ANO2: variants seen among roughly 807,000 people sequenced by gnomAD.
The protein encoded by ANO2 is anoctamin 2.
In ANO2, 101 loss-of-function variants were observed where a neutral mutation model predicts 124.2. That is an observed-to-expected ratio of 0.81 (90% CI 0.69 to 0.96). The LOEUF is 0.96. ANO2 is among the 40% of genes least tolerant of loss of function. The pLI is 0.00. For synonymous variants in ANO2, 486 were observed against 482.5 expected, an observed-to-expected ratio of 1.01 and a Z score of -0.09; for missense variants, 1,293 against 1,274.5, an observed-to-expected ratio of 1.01 and a Z score of -0.22.
At chr12:5,819,462 G>A (rs1250375554) in intron 7 of ANO2, among the ~76,000 whole-genome samples, 1 of 152,184 alleles carries the variant, frequency 6.6e-6, no homozygotes, top group Non-Finnish European at 1.5e-5. Context: ...TGCATTTAAT[G>A]TTGCAGCCTG....
Position 5,750,990 on chromosome 12 carries a change from A to G in ANO2, c.1056-20T>C. 1.3e-6 allele frequency: 2 copies of G among 1,576,904 alleles called. No homozygotes were observed. Among genetic ancestry groups the G allele is most frequent in the Non-Finnish European group, 1.7e-6 (2 of 1,159,924 alleles). ...TACTTTCTGGAAAAGAAAGAAAAGA[A>G]AATGAAACACATATTAAGAACATCA... On this transcript the variant is annotated intron_variant, in intron 10 of 24. Coordinates refer to ENST00000682330, the MANE Select transcript of ANO2 (RefSeq NM_001364791.2).
In ANO2 at chr12:5,755,387, T is replaced by A. The variant is rs568906301; in HGVS notation, c.1056-4417A>T. The stretch of plus-strand genomic sequence containing the variant: ...TTTTACATTTATTTATTTTTATTTA[T>A]TTTATTTATTTATTTATTTATTTAT... On this transcript the variant is annotated intron_variant, in intron 10 of 24. Transcript: ENST00000682330. Among the ~76,000 whole-genome samples the A allele has an allele frequency of 2.4e-3, 361 of 149,138 alleles. 1 individual carries two copies. The highest frequency in any genetic ancestry group is 8.3e-3 in the African/African-American group (338 of 40,898).
chr12:5,914,309 C>T (rs1941250729), intron 3 of ANO2, among the ~76,000 whole-genome samples: 1 of 152,196 alleles, frequency 6.6e-6, no homozygotes. Context: ...CAAGATATCC[C>T]CCTTTGACTC....
intron 14 of ANO2, among the ~76,000 whole-genome samples, chr12:5,721,122 AT>A: frequency 6.6e-6 from 1 of 152,314 alleles, no homozygotes; most frequent in Admixed American, 6.5e-5. Flanking sequence ...TGTAGGGTTT[AT>A]TTTTAAATAC....
chr12:5,684,350 A>G (rs929222737), intron 14 of ANO2, among the ~76,000 whole-genome samples: 4 of 152,220 alleles, frequency 2.6e-5, no homozygotes, highest in Admixed American at 6.5e-5. Flanking sequence ...TGACACAGGC[A>G]ATCTACTAAT....
chr12:5,728,706 A>G (rs952181943), intron 14 of ANO2, among the ~76,000 whole-genome samples: 28 of 151,866 alleles, frequency 1.8e-4, no homozygotes, highest in Non-Finnish European at 1.2e-4. Flanking sequence ...AAAAAAGTAC[A>G]AAGTCAGAGG....
intron 2 of ANO2, 97 bp downstream of exon 2, chr12:5,922,523 T>C: frequency 1.5e-6 from 2 of 1,329,590 alleles, no homozygotes; most frequent in Middle Eastern, 2.7e-4. Flanking sequence ...CACGCACACA[T>C]GTGCTCCCAA....
chr12:5,853,711 T>C (rs942179604), intron 4 of ANO2, among the ~76,000 whole-genome samples: 5 of 152,006 alleles, frequency 3.3e-5, no homozygotes, highest in African/African-American at 1.2e-4. Context: ...CTCTATTCAC[T>C]AAAGAAGTGT....
At chr12:5,805,987 C>G in intron 9 of ANO2, 65 bp downstream of exon 9, 1 of 1,523,618 alleles carries the variant, frequency 6.6e-7, no homozygotes. Flanking sequence ...CACTTCTAGC[C>G]ACTTCCACAC....
At chr12:5,864,368 G>A (rs1464658347) in intron 3 of ANO2, among the ~76,000 whole-genome samples, 1 of 152,226 alleles carries the variant, frequency 6.6e-6, no homozygotes, top group African/African-American at 2.4e-5. Flanking sequence ...CCAAAACTCA[G>A]GGAGGCCAGT....
rs931491450 is a variant in ANO2, at chr12:5,925,032, G to A, written c.23-2228C>T. Among the ~76,000 whole-genome samples the A allele has an allele frequency of 2.6e-5, 4 of 152,142 alleles. No individual in the cohort carries two copies. The highest frequency in any genetic ancestry group is 3.9e-4 in the East Asian group (2 of 5,194). ...CCACTTCCCTTGTGCCTTCCTGCAT[G>A]CCTGCCCCACAAGTGCCTGAGAACA... On this transcript the variant is annotated intron_variant, in intron 1 of 24. Transcript: ENST00000682330. The surrounding 1 kb of genome is among the most constrained non-coding windows in gnomAD (Gnocchi z 4.6).
chr12:5,732,311 A>C (rs1950673931), intron 14 of ANO2, among the ~76,000 whole-genome samples: 1 of 152,108 alleles, frequency 6.6e-6, no homozygotes, highest in Non-Finnish European at 1.5e-5. Context: ...TAGCACCGCT[A>C]TCTGGAAAGA....
rs961515986 is a variant in ANO2 at position 5,592,339 on chromosome 12, G to A, written c.2233+7145C>T. Reference sequence around the variant, plus strand: ...AAGGGTGCAGGTACAGGAGAAGAGGGGAAGAGAAAAACTGAGGATGGGAGA... The same window carrying A: ...AAGGGTGCAGGTACAGGAGAAGAGGAGAAGAGAAAAACTGAGGATGGGAGA... On this transcript the variant is annotated intron_variant, in intron 20 of 24. Coordinates refer to ENST00000682330, the MANE Select transcript of ANO2 (RefSeq NM_001364791.2). Among the ~76,000 whole-genome samples, 14 of 152,094 alleles carry A rather than the reference G, an allele frequency of 9.2e-5. 1 individual carries two copies. Among genetic ancestry groups the A allele is most frequent in the Non-Finnish European group, 1.0e-4 (7 of 68,030 alleles).
intron 20 of ANO2, among the ~76,000 whole-genome samples, chr12:5,587,500 A>T (rs11063768): frequency 1.3e-3 from 193 of 152,310 alleles, no homozygotes; most frequent in Middle Eastern, 3.4e-3. Flanking sequence ...GCCCTGAGGA[A>T]AACCCCATGA....
intron 16 of ANO2, among the ~76,000 whole-genome samples, chr12:5,620,263 C>G (rs769607368): frequency 1.3e-4 from 20 of 152,184 alleles, no homozygotes; most frequent in Non-Finnish European, 2.5e-4. Flanking sequence ...TGGAGAAAGG[C>G]AGCAGAGCCA....
intron 10 of ANO2, among the ~76,000 whole-genome samples, chr12:5,758,874 G>T (rs1304647140): frequency 2.6e-5 from 4 of 152,022 alleles, no homozygotes; most frequent in Non-Finnish European, 5.9e-5. Context: ...AGGAAATAAG[G>T]CAATCAATGA....
At chr12:5,844,148 G>A (rs1485123634) in intron 4 of ANO2, among the ~76,000 whole-genome samples, 1 of 152,084 alleles carries the variant, frequency 6.6e-6, no homozygotes, top group Non-Finnish European at 1.5e-5. Context: ...GAATATTCTA[G>A]GACTAAGGAC....
intron 14 of ANO2, among the ~76,000 whole-genome samples, chr12:5,731,094 C>T (rs1308001427): frequency 1.3e-5 from 2 of 152,178 alleles, no homozygotes; most frequent in Non-Finnish European, 2.9e-5. Context: ...TTCAATGAGT[C>T]AGTGGTCAAT....
chr12:5,877,258 A>G (rs1481748200), intron 3 of ANO2, among the ~76,000 whole-genome samples: 1 of 152,208 alleles, frequency 6.6e-6, no homozygotes, highest in Non-Finnish European at 1.5e-5. Flanking sequence ...CAATGTAAAG[A>G]TGGAGGCAGA....
Sources: allele counts gnomAD v4.1 joint callset (sites outside exome capture counted in the v4.1 genomes callset), GRCh38; gene constraint gnomAD v4.1.1; non-coding constraint Gnocchi (gnomAD v3.1); transcripts MANE v1.5; gene names NCBI Gene and HGNC (gene_info 2026-07-23, HGNC 2026-07-21).